KLRG1: variants seen among roughly 807,000 people sequenced by gnomAD.
KLRG1 encodes killer cell lectin-like receptor subfamily G member 1.
In KLRG1, 16 loss-of-function variants were observed where a neutral mutation model predicts 21.8. The observed-to-expected ratio is 0.73, with a 90% CI of 0.50 to 1.11. The LOEUF (loss-of-function observed/expected upper bound fraction) is 1.11. Among genes scored for constraint, KLRG1 ranks in the 50% most tolerant of loss-of-function variants. KLRG1 has a pLI of 0.00. For missense variants in KLRG1, 173 were observed against 218.3 expected (o/e 0.79, Z 1.31); for synonymous variants, 69 against 75.9 (o/e 0.91, Z 0.47).
chr12:9,171,705 C>CA, the KLRG1 span, among the ~76,000 whole-genome samples: 1 of 152,162 alleles, frequency 6.6e-6, no homozygotes, highest in African/African-American at 2.4e-5. Flanking sequence ...TCACAAGTAT[C>CA]AGTAGCAGGA....
chr12:9,161,057 C>G, the KLRG1 span: 1 of 1,601,072 alleles, frequency 6.2e-7, no homozygotes, highest in Admixed American at 1.7e-5. Context: ...GAAGCTCTGG[C>G]AGATTCTTTG....
chr12:8,956,939 G>T (rs959285226), intron 1 of KLRG1, among the ~76,000 whole-genome samples: 45 of 152,252 alleles, frequency 3.0e-4, no homozygotes, highest in African/African-American at 1.0e-3. Context: ...CTTGGTGGGT[G>T]TGAGATCTGG....
intron 1 of KLRG1, among the ~76,000 whole-genome samples, chr12:8,973,620 A>C (rs1164170541): frequency 6.6e-6 from 1 of 152,224 alleles, no homozygotes; most frequent in Non-Finnish European, 1.5e-5. Flanking sequence ...TTGTTATAGA[A>C]GCACAAATGG....
intron 3 of KLRG1, among the ~76,000 whole-genome samples, chr12:9,000,666 T>C (rs995845041): frequency 6.6e-6 from 1 of 152,214 alleles, no homozygotes; most frequent in African/African-American, 2.4e-5. Context: ...TAGAACACTG[T>C]TTTCAAGGTT....
chr12:8,988,649 C>T (rs541191533), upstream of KLRG1, among the ~76,000 whole-genome samples: 22 of 152,144 alleles, frequency 1.4e-4, no homozygotes, highest in Non-Finnish European at 2.6e-4. Flanking sequence ...GGTGCAGTCT[C>T]GGCTCGCTGC....
the KLRG1 span, chr12:9,028,830 T>A: frequency 1.6e-6 from 1 of 637,444 alleles, no homozygotes; most frequent in Non-Finnish European, 3.0e-6. Flanking sequence ...GAGAAAGCTC[T>A]CTTTGGTTCC....
At chr12:9,073,542 C>T in the KLRG1 span, among the ~76,000 whole-genome samples, 1 of 152,086 alleles carries the variant, frequency 6.6e-6, no homozygotes, top group Non-Finnish European at 1.5e-5. Flanking sequence ...TAACCTTTAA[C>T]AAAATTACTT....
At chr12:9,109,636 T>C in the KLRG1 span, among the ~76,000 whole-genome samples, 1 of 152,206 alleles carries the variant, frequency 6.6e-6, no homozygotes, top group Non-Finnish European at 1.5e-5. Flanking sequence ...AAAACAAGAA[T>C]GTTTTAATTT....
At chr12:9,153,074 C>T in the KLRG1 span, 3 of 1,607,312 alleles carry the variant, frequency 1.9e-6, no homozygotes, top group East Asian at 4.5e-5. Flanking sequence ...GTTTCCATTT[C>T]AATTGGCAAG....
the KLRG1 span, among the ~76,000 whole-genome samples, chr12:9,187,672 A>G: frequency 0.28 from 42,092 of 152,096 alleles, 5,955 homozygotes; most frequent in East Asian, 0.4. Flanking sequence ...TCTGGGACAC[A>G]GCTAAGGCGG....
the KLRG1 span, among the ~76,000 whole-genome samples, chr12:9,199,464 T>C: frequency 6.6e-6 from 1 of 152,148 alleles, no homozygotes; most frequent in East Asian, 1.9e-4. Context: ...GTTCTACCAT[T>C]GCACTATTTC....
chr12:9,056,992 C>A, the KLRG1 span, among the ~76,000 whole-genome samples: 1 of 152,068 alleles, frequency 6.6e-6, no homozygotes, highest in Admixed American at 6.6e-5. Context: ...TTTATGTATG[C>A]CTTTATTTAT....
At chr12:9,109,924 C>G in the KLRG1 span, 5 of 1,613,752 alleles carry the variant, frequency 3.1e-6, no homozygotes, top group Non-Finnish European at 3.4e-6. Context: ...TTCTGTACCA[C>G]CACCTTGTAG....
At chr12:8,964,330 A>G (rs770058661) in intron 1 of KLRG1, among the ~76,000 whole-genome samples, 2 of 152,286 alleles carry the variant, frequency 1.3e-5, no homozygotes, top group East Asian at 3.8e-4. Flanking sequence ...CTCAGCTTCT[A>G]TGTAGTTGAG....
intron 1 of KLRG1, among the ~76,000 whole-genome samples, chr12:8,966,661 C>T (rs1348198151): frequency 6.6e-6 from 1 of 151,066 alleles, no homozygotes; most frequent in Non-Finnish European, 1.5e-5. Context: ...GTTAGAATGG[C>T]AATCATTAAA....
chr12:9,191,565 G>A, the KLRG1 span, among the ~76,000 whole-genome samples: 1 of 152,122 alleles, frequency 6.6e-6, no homozygotes, highest in Non-Finnish European at 1.5e-5. Flanking sequence ...TATTAGGCAT[G>A]GAGCAAATCC....
At chr12:9,151,887 TC>T in the KLRG1 span, among the ~76,000 whole-genome samples, 1 of 152,226 alleles carries the variant, frequency 6.6e-6, no homozygotes, top group African/African-American at 2.4e-5. Context: ...TGATTTTTTT[TC>T]CTTCCCAAAT....
the KLRG1 span, among the ~76,000 whole-genome samples, chr12:9,182,539 G>A: frequency 6.6e-6 from 1 of 151,986 alleles, no homozygotes; most frequent in African/African-American, 2.4e-5. Context: ...CTTTTAAAAA[G>A]CTCTGTATGT....
the KLRG1 span, chr12:9,150,690 T>C: frequency 6.2e-7 from 1 of 1,613,118 alleles, no homozygotes; most frequent in South Asian, 1.1e-5. Flanking sequence ...GCTTCAAGTC[T>C]CCTACTGGGA....
Sources: allele counts gnomAD v4.1 joint callset (sites outside exome capture counted in the v4.1 genomes callset), GRCh38; gene constraint gnomAD v4.1.1; transcripts MANE v1.5; gene names NCBI Gene and HGNC (gene_info 2026-07-23, HGNC 2026-07-21).